SLC24A1: variants seen among roughly 807,000 people sequenced by gnomAD.
SLC24A1 encodes the protein solute carrier family 24 member 1.
SLC24A1 carries 52 observed loss-of-function variants against 88.1 expected under a neutral mutation model. The observed-to-expected ratio is 0.59, with a 90% CI of 0.47 to 0.74. The LOEUF (loss-of-function observed/expected upper bound fraction) is 0.74. Ranked by LOEUF, SLC24A1 falls within the 30% of genes least tolerant of loss-of-function variation. The probability of loss-of-function intolerance (pLI) is 0.00; values close to 1 mark genes in which losing one functional copy is unlikely to be tolerated. For synonymous variants in SLC24A1, 455 were observed against 498.0 expected (o/e 0.91, Z 1.15); for missense variants, 1,173 against 1,363.3 (o/e 0.86, Z 2.20).
chr15:65,624,210 C>A lies in SLC24A1; in HGVS notation c.130C>A (p.Pro44Thr), dbSNP rs200480253. The A allele has an allele frequency of 2.5e-6, 4 of 1,613,846 alleles. No homozygotes were observed. Among genetic ancestry groups the A allele is most frequent in the Non-Finnish European group, 3.4e-6 (4 of 1,179,840 alleles). Reference sequence around the variant, plus strand: ...TTCTACTTATCAGCACCTTAGGAGACCCCGGGGCCTTTCCTCATTGTGGGC... The same window carrying A: ...TTCTACTTATCAGCACCTTAGGAGAACCCGGGGCCTTTCCTCATTGTGGGC... ...IGSTYQHLRR[P>T]RGLSSLWAAV... Residue 44 changes from proline to threonine, a missense_variant, in exon 2 of 10, where the codon CCC becomes ACC. By Grantham distance (38) the Pro-to-Thr change is conservative. Transcript: ENST00000261892.
chr15:65,624,184 G>A lies in SLC24A1; in HGVS notation c.104G>A (p.Gly35Asp), dbSNP rs563365727. 22 of 1,613,696 alleles carry A rather than the reference G, an allele frequency of 1.4e-5. No homozygotes were observed. The highest frequency in any genetic ancestry group is 2.2e-5 in the East Asian group (1 of 44,884). Residue 35 changes from glycine to aspartate, a missense_variant, in exon 2 of 10, where the codon GGT becomes GAT. Gly to Asp is a moderately conservative substitution (Grantham distance 94). Transcript: ENST00000261892. ...TTCTTACTGGGAATGTTGATCATCGGTTCTACTTATCAGCACCTTAGGAGA... is the reference window on the plus strand; with the variant it reads ...TTCTTACTGGGAATGTTGATCATCGATTCTACTTATCAGCACCTTAGGAGA... The part of the protein sequence containing the change: ...LLFLLGMLII[G>D]STYQHLRRPR...
chr15:65,644,948 G>A (rs953856550), intron 5 of SLC24A1, among the ~76,000 whole-genome samples: 4 of 152,196 alleles, frequency 2.6e-5, no homozygotes, highest in African/African-American at 4.8e-5. Flanking sequence ...AGGCTACCAG[G>A]GGTCTGGTGT....
upstream of SLC24A1, among the ~76,000 whole-genome samples, chr15:65,621,662 C>T (rs2074322465): frequency 6.6e-6 from 1 of 152,196 alleles, no homozygotes; most frequent in Non-Finnish European, 1.5e-5. Context: ...CTCAGAGCGC[C>T]TTCTGAATCT....
chr15:65,638,151 G>A lies in SLC24A1; in HGVS notation c.1914G>A (p.Val638=). 6.2e-7 allele frequency: 1 copy of A among 1,610,690 alleles called. No homozygotes were observed. Among genetic ancestry groups the A allele is most frequent in the Non-Finnish European group, 8.5e-7 (1 of 1,178,416 alleles). The change falls in exon 3 of 10, where the codon GTG becomes GTA. Residue 638 remains valine, a synonymous_variant. Coordinates refer to ENST00000261892, the MANE Select transcript of SLC24A1 (RefSeq NM_004727.3). ...LSKPGDGAIA[V]DELQDNKKLK... Reference sequence around the variant, plus strand: ...AGCCGGGCGATGGGGCCATTGCGGTGGATGAGCTACAGGATAACAAGAAGC... The same window carrying A: ...AGCCGGGCGATGGGGCCATTGCGGTAGATGAGCTACAGGATAACAAGAAGC...
chr15:65,633,084 C>T (rs2074786620), intron 2 of SLC24A1, among the ~76,000 whole-genome samples: 1 of 152,104 alleles, frequency 6.6e-6, no homozygotes, highest in South Asian at 2.1e-4. Context: ...TCTTGAAGGA[C>T]AAGCAGGAAT....
intron 2 of SLC24A1, among the ~76,000 whole-genome samples, chr15:65,634,867 T>C (rs1218914923): frequency 1.3e-5 from 2 of 151,692 alleles, no homozygotes; most frequent in Non-Finnish European, 2.9e-5. Flanking sequence ...TTTGTGAGTG[T>C]GGGTAAGTGA....
chr15:65,646,955 G>C (rs2075321639), intron 6 of SLC24A1, among the ~76,000 whole-genome samples: 2 of 152,322 alleles, frequency 1.3e-5, no homozygotes, highest in Admixed American at 6.5e-5. Flanking sequence ...AGTGAAGCTT[G>C]ATCTCATGAA....
intron 4 of SLC24A1, among the ~76,000 whole-genome samples, chr15:65,643,190 A>G (rs2075189006): frequency 6.6e-6 from 1 of 152,238 alleles, no homozygotes; most frequent in African/African-American, 2.4e-5. Context: ...TCTGAAGTAC[A>G]GAGAGCTTAA....
intron 6 of SLC24A1, among the ~76,000 whole-genome samples, chr15:65,647,678 G>A (rs62014375): frequency 0.063 from 9,533 of 152,002 alleles, 315 homozygotes; most frequent in African/African-American, 0.091. Context: ...ACAGACAGAC[G>A]CTCCCATATT....
At position 65,650,329 on chromosome 15, in the gene SLC24A1, G is replaced by C; in HGVS notation, c.2233-53G>C. 1.4e-6 allele frequency: 2 copies of C among 1,441,348 alleles called. No homozygotes were observed. The highest frequency in any genetic ancestry group is 2.9e-5 in the African/African-American group (2 of 69,802). The allele number at this position is 1,441,348 out of a possible 1,614,324, so 89.3% of individuals were successfully genotyped here. ...ACAAAAAAATGGGGGAGTAACATAAGGAAAACAAGCAGAGCAGTTACCACA... is the reference window on the plus strand; with the variant it reads ...ACAAAAAAATGGGGGAGTAACATAACGAAAACAAGCAGAGCAGTTACCACA... On this transcript the variant is annotated intron_variant, in intron 6 of 9. Transcript: ENST00000261892. The surrounding 1 kb of genome is among the most constrained non-coding windows in gnomAD (Gnocchi z 4.1).
At chr15:65,634,740 C>CAAAAAAAAAAAAAAAAAAAAAAAAAAAA (rs5813364) in intron 2 of SLC24A1, among the ~76,000 whole-genome samples, 1 of 90,540 alleles carries the variant, frequency 1.1e-5, no homozygotes, top group Non-Finnish European at 2.2e-5. Flanking sequence ...TCAAAAGCAC[C>CAAAAAAAAAAAAAAAAAAAAAAAAAAAA]AAAAAAAAAA....
chr15:65,622,774 C>A (rs147246453), intron 1 of SLC24A1, among the ~76,000 whole-genome samples: 7 of 150,246 alleles, frequency 4.7e-5, no homozygotes, highest in Non-Finnish European at 8.8e-5. Flanking sequence ...CAGAGTCTTG[C>A]TCTGTTGCTC....
chr15:65,643,044 TTTC>T (rs1444878992), intron 4 of SLC24A1: 1 of 1,288,690 alleles, frequency 7.8e-7, no homozygotes, highest in Non-Finnish European at 1.0e-6. Flanking sequence ...GTCAATTTGT[TTTC>T]ATCATTGTTG....
Position 65,652,843 on chromosome 15 carries a change from G to A in SLC24A1, c.3050+35G>A, listed in dbSNP as rs202010974. 2,120 of 1,538,578 alleles carry A rather than the reference G, an allele frequency of 1.4e-3. 2 individuals carry two copies. Among genetic ancestry groups the A allele is most frequent in the Non-Finnish European group, 1.7e-3 (1,924 of 1,129,996 alleles). On this transcript the variant is annotated intron_variant, in intron 9 of 9. Transcript: ENST00000261892. ...AATGTAACTTTCTAAGGGGTGTTAA[G>A]TATGACTGGAAAACACTGCATTGGC... is the stretch of plus-strand genomic sequence containing the variant.
chr15:65,652,590 C>T, intron 8 of SLC24A1, 52 bp from the exon 9 acceptor site: 1 of 1,561,646 alleles, frequency 6.4e-7, no homozygotes, highest in Non-Finnish European at 8.8e-7. Context: ...GTGGATAGTG[C>T]TTGGATGTGC....
chr15:65,618,366 C>T (rs1403393897), upstream of SLC24A1, among the ~76,000 whole-genome samples: 2 of 152,128 alleles, frequency 1.3e-5, no homozygotes, highest in African/African-American at 4.8e-5. Flanking sequence ...TCTTGGTCAT[C>T]ACCTTCATTC....
At chr15:65,633,294 C>T (rs1332258349) in intron 2 of SLC24A1, among the ~76,000 whole-genome samples, 2 of 152,174 alleles carry the variant, frequency 1.3e-5, no homozygotes, top group African/African-American at 4.8e-5. Flanking sequence ...ATGTAAAACA[C>T]CCCAATATTT....
At chr15:65,612,576 C>T (rs1416501834) in intron 1 of SLC24A1, 2 of 152,318 alleles carry the variant, frequency 1.3e-5, no homozygotes, top group Admixed American at 1.3e-4. Context: ...CTCACCATGT[C>T]AAGACCTAGT....
At chr15:65,627,851 G>T (rs1484379677) in intron 2 of SLC24A1, among the ~76,000 whole-genome samples, 1 of 152,206 alleles carries the variant, frequency 6.6e-6, no homozygotes, top group Non-Finnish European at 1.5e-5. Context: ...TTTCAAAAGA[G>T]AATACATAAC....
Sources: gnomAD v4.1 joint callset for allele counts (sites outside exome capture counted in the v4.1 genomes callset) on GRCh38, gnomAD v4.1.1 for gene constraint, Gnocchi (gnomAD v3.1) non-coding constraint, MANE v1.5 for transcripts, NCBI Gene and HGNC (gene_info 2026-07-23, HGNC 2026-07-21) for gene names.